Variants in KCTD16 observed in about 807,000 individuals in gnomAD.
KCTD16 encodes BTB/POZ domain-containing protein KCTD16.
A neutral mutation model predicts 33.2 loss-of-function variants in KCTD16; 13 were observed. The observed-to-expected ratio is 0.39, with a 90% confidence interval of 0.25 to 0.62. The LOEUF is 0.62. Among genes scored for constraint, KCTD16 ranks in the 20% least tolerant of loss-of-function variants. The pLI is 0.50. For missense variants in KCTD16, 441 were observed against 525.1 expected (o/e 0.84, Z 1.57); for synonymous variants, 197 against 195.3 (o/e 1.01, Z -0.07).
chr5:144,326,303 T>C (rs1415360565), intron 3 of KCTD16, among the ~76,000 whole-genome samples: 1 of 152,114 alleles, frequency 6.6e-6, no homozygotes, highest in Non-Finnish European at 1.5e-5. Flanking sequence ...GAGAGGGTAA[T>C]AGTAAATACA....
At chr5:144,465,934 G>A (rs545772021) in intron 3 of KCTD16, among the ~76,000 whole-genome samples, 1 of 152,130 alleles carries the variant, frequency 6.6e-6, no homozygotes, top group East Asian at 1.9e-4. Context: ...CGCCTCCCGG[G>A]TTCAAGTGAT....
intron 3 of KCTD16, among the ~76,000 whole-genome samples, chr5:144,222,227 G>A (rs1753779794): frequency 6.6e-6 from 1 of 151,992 alleles, no homozygotes; most frequent in Non-Finnish European, 1.5e-5. Flanking sequence ...AGTTCTAACT[G>A]CTTTTTTTAG....
At position 144,364,223 on chromosome 5, in the gene KCTD16, C is replaced by T. The variant is rs1751781894; in HGVS notation, c.833-109437C>T. ...GCAATGACTAGGCGAAGGTACGGCT[C>T]TGGTGGCACGGTCAAGCTTCTGCAC... On this transcript the variant is annotated intron_variant, in intron 3 of 3. Transcript: ENST00000512467. Among the ~76,000 whole-genome samples, 7 of 152,250 alleles carry T rather than the reference C, an allele frequency of 4.6e-5. No homozygotes were observed. In the South Asian group the frequency reaches 1.4e-3, roughly 31 times the overall value.
Position 144,475,331 on chromosome 5 carries a change from T to C in KCTD16, c.*1217T>C, listed in dbSNP as rs575528798. On this transcript the variant is annotated 3_prime_UTR_variant, in exon 4 of 4. Coordinates refer to ENST00000512467, the MANE Select transcript of KCTD16 (RefSeq NM_020768.4). ...GGGATTCGGGCTTTGGCTGTGCCCA[T>C]GCTAGGATTTAGCTGTGTCATTTTT... The C allele has an allele frequency of 4.6e-5, 7 of 152,208 alleles. No homozygotes were observed. The highest frequency in any genetic ancestry group is 6.5e-5 in the Admixed American group (1 of 15,284). The allele number at this position is 152,208 out of a possible 1,614,324, so 9.4% of individuals were successfully genotyped here. A position where few individuals can be genotyped will look rare whatever the true frequency, so the allele number is the denominator to read the frequency against.
intron 3 of KCTD16, among the ~76,000 whole-genome samples, chr5:144,286,256 T>C (rs1755743610): frequency 6.6e-6 from 1 of 152,184 alleles, no homozygotes; most frequent in South Asian, 2.1e-4. Context: ...ATCTTCACTT[T>C]ATATTTTTTT....
At chr5:144,291,278 A>G (rs929111603) in intron 3 of KCTD16, among the ~76,000 whole-genome samples, 2 of 152,084 alleles carry the variant, frequency 1.3e-5, no homozygotes, top group Non-Finnish European at 2.9e-5. Context: ...TTCTTAAAGC[A>G]CTCTAAATTC....
At chr5:144,287,894 A>G (rs1469107434) in intron 3 of KCTD16, among the ~76,000 whole-genome samples, 1 of 152,124 alleles carries the variant, frequency 6.6e-6, no homozygotes, top group Non-Finnish European at 1.5e-5. Context: ...TCGGCCTCTC[A>G]AAGTGTTGGG....
chr5:144,216,792 C>T (rs1580795259), intron 3 of KCTD16, among the ~76,000 whole-genome samples: 4 of 150,494 alleles, frequency 2.7e-5, no homozygotes, highest in Admixed American at 1.3e-4. Flanking sequence ...TGCAGTGAGC[C>T]GTCATCACGC....
intron 3 of KCTD16, among the ~76,000 whole-genome samples, chr5:144,371,508 T>C (rs1025288996): frequency 3.3e-5 from 5 of 152,184 alleles, no homozygotes; most frequent in Non-Finnish European, 7.3e-5. Context: ...ATGTGTTATC[T>C]GTTTCTCACA....
rs183443469 is a variant in KCTD16, at chr5:144,436,949, A to G, written c.833-36711A>G. On this transcript the variant is annotated intron_variant, in intron 3 of 3. Transcript: ENST00000512467. Reference sequence around the variant, plus strand: ...TTTTGTGTAAAATGACTATAATAATATGTACTACTGGTATTAATCAACATT... The same window carrying G: ...TTTTGTGTAAAATGACTATAATAATGTGTACTACTGGTATTAATCAACATT... 2.6e-4 allele frequency among the ~76,000 whole-genome samples: 40 copies of G among 152,268 alleles called. No homozygotes were observed. In the East Asian group the frequency reaches 6.9e-3, roughly 26 times the overall value.
chr5:144,433,850 G>A (rs915506327), intron 3 of KCTD16, among the ~76,000 whole-genome samples: 3 of 152,100 alleles, frequency 2.0e-5, no homozygotes, highest in Non-Finnish European at 4.4e-5. Flanking sequence ...CAATGTGGTG[G>A]TATACATCTT....
At position 144,207,453 on chromosome 5, in the gene KCTD16, A is replaced by G. The variant is rs775287854; in HGVS notation, c.739A>G (p.Met247Val). ...TATGTTGTCAGAGTGTGGATTCCACATGGTGGCCTGTAACTCATCGGTGAC... is the reference window on the plus strand; with the variant it reads ...TATGTTGTCAGAGTGTGGATTCCACGTGGTGGCCTGTAACTCATCGGTGAC... ...FDMLSECGFH[M>V]VACNSSVTAS... The change falls in exon 3 of 4, where the codon ATG becomes GTG. Residue 247 changes from methionine (M) to valine (V), a missense_variant. By Grantham distance (21) the Met-to-Val change is conservative (BLOSUM62 1). Transcript: ENST00000512467. The G allele has an allele frequency of 1.9e-6, 3 of 1,614,198 alleles. No homozygotes were observed. Among genetic ancestry groups the G allele is most frequent in the Non-Finnish European group, 2.5e-6 (3 of 1,180,018 alleles).
intron 3 of KCTD16, among the ~76,000 whole-genome samples, chr5:144,243,705 A>G (rs982124300): frequency 2.0e-5 from 3 of 152,170 alleles, no homozygotes; most frequent in Middle Eastern, 3.4e-3. Context: ...GGTCCAGATG[A>G]CTTGAAGAAC....
intron 3 of KCTD16, among the ~76,000 whole-genome samples, chr5:144,341,972 C>T (rs1752657656): frequency 6.6e-6 from 1 of 152,164 alleles, no homozygotes; most frequent in Non-Finnish European, 1.5e-5. Flanking sequence ...TACATTATTG[C>T]TTTCACCTTA....
chr5:144,427,401 G>A (rs1419223654), intron 3 of KCTD16, among the ~76,000 whole-genome samples: 1 of 151,734 alleles, frequency 6.6e-6, no homozygotes, highest in Non-Finnish European at 1.5e-5. Context: ...GGAGACTCAG[G>A]GTCATATACT....
intron 2 of KCTD16, among the ~76,000 whole-genome samples, chr5:144,182,553 A>G (rs1752647692): frequency 6.6e-6 from 1 of 152,224 alleles, no homozygotes; most frequent in South Asian, 2.1e-4. Flanking sequence ...GAAATCCAAA[A>G]TACAGCAGGA....
intron 3 of KCTD16, among the ~76,000 whole-genome samples, chr5:144,209,832 A>G (rs1753314371): frequency 1.4e-5 from 2 of 146,558 alleles, no homozygotes; most frequent in South Asian, 4.2e-4. Flanking sequence ...ATATAAATAT[A>G]TATATATTTA....
intron 3 of KCTD16, among the ~76,000 whole-genome samples, chr5:144,383,547 A>G (rs1752260961): frequency 1.1e-4 from 1 of 9,092 alleles, no homozygotes; most frequent in Admixed American, 9.9e-4. Context: ...GGGTGAAGGA[A>G]AAAAAAAAAA....
At chr5:144,219,052 C>T (rs7708586) in intron 3 of KCTD16, among the ~76,000 whole-genome samples, 2,413 of 152,210 alleles carry the variant, frequency 0.016, 65 homozygotes, top group African/African-American at 0.055. Context: ...GGGCAAGTGT[C>T]TTTTCTTCCT....
Sources: allele counts gnomAD v4.1 joint callset (sites outside exome capture counted in the v4.1 genomes callset), GRCh38; gene constraint gnomAD v4.1.1; transcripts MANE v1.5; gene names NCBI Gene and HGNC (gene_info 2026-07-23, HGNC 2026-07-21).